Variants in HAL observed in about 807,000 individuals in gnomAD.
HAL encodes histidine ammonia-lyase.
In HAL, 85 loss-of-function variants were observed where a neutral mutation model predicts 81.1. That is an observed-to-expected ratio of 1.05 (90% CI 0.88 to 1.25). The LOEUF (loss-of-function observed/expected upper bound fraction) is 1.25, where lower values mean the gene tolerates loss of function less well. Ranked by LOEUF, HAL falls within the 50% of genes most tolerant of loss-of-function variation. The pLI is 0.00. For missense variants in HAL, 798 were observed against 836.6 expected (o/e 0.95, Z 0.57); for synonymous variants, 301 against 309.2 (o/e 0.97, Z 0.28).
In HAL at chr12:95,986,048, C is replaced by T. The variant is rs1949883087; in HGVS notation, c.1147+17G>A. On this transcript the variant is annotated intron_variant, in intron 13 of 20. Coordinates refer to ENST00000261208, the MANE Select transcript of HAL (RefSeq NM_002108.4). ...AACACGTAACCAAATAGGTCACTCC[C>T]ATAAACATGGTCAGACCTGCTATTT... The T allele has an allele frequency of 1.3e-6, 2 of 1,589,846 alleles. No individual in the cohort carries two copies. The highest frequency in any genetic ancestry group is 4.5e-5 in the East Asian group (2 of 44,762).
chr12:95,983,786 G>A (rs908087440), intron 15 of HAL, 125 bp downstream of exon 15: 1 of 707,298 alleles, frequency 1.4e-6, no homozygotes, highest in South Asian at 1.5e-5. Flanking sequence ...CTCAGGTACT[G>A]ATTCATTTAC....
At chr12:95,991,365 C>A (rs1257922847) in intron 9 of HAL, among the ~76,000 whole-genome samples, 1 of 152,044 alleles carries the variant, frequency 6.6e-6, no homozygotes, top group East Asian at 1.9e-4. Context: ...CCATTCACAG[C>A]TATTGGAAAA....
intron 18 of HAL, among the ~76,000 whole-genome samples, chr12:95,977,510 G>A (rs1258901041): frequency 1.3e-5 from 2 of 151,874 alleles, no homozygotes; most frequent in Non-Finnish European, 2.9e-5. Flanking sequence ...AGGTGTGGTG[G>A]TGCTTGCCTG....
intron 20 of HAL, among the ~76,000 whole-genome samples, chr12:95,974,731 G>GT (rs746511875): frequency 1.4e-4 from 21 of 151,974 alleles, no homozygotes; most frequent in Non-Finnish European, 2.1e-4. Flanking sequence ...TTTTTTTCTT[G>GT]TTTTTTTGTT....
Position 95,990,476 on chromosome 12 carries a change from C to T in HAL, c.772G>A (p.Ala258Thr). The T allele has an allele frequency of 6.2e-7, 1 of 1,611,202 alleles. No homozygotes were observed. The highest frequency in any genetic ancestry group is 8.5e-7 in the Non-Finnish European group (1 of 1,177,268). Residue 258 changes from alanine (A) to threonine (T), a missense_variant, in exon 10 of 21, where the codon GCC (alanine) becomes ACC (threonine). Physicochemically the swap from Ala to Thr is moderately conservative, Grantham distance 58. Coordinates refer to ENST00000261208, the MANE Select transcript of HAL (RefSeq NM_002108.4). ...KGTVGASGDL[A>T]PLSHLALGLV... ...CCAAGAGCAAGATGAGAGAGTGGGG[C>T]AAGGTCTCCACTGGCACCAACGGTT...
chr12:95,976,430 T>C lies in HAL; in HGVS notation c.1832A>G (p.Lys611Arg), dbSNP rs766045725. The part of the protein sequence containing the change: ...EAAHRLLLEQ[K>R]VWEVAAPYIE... ...AAACAAGCCAAGGAGCCAGCTTGCC[T>C]TCTGCTCCAGGAGCAGCCTGTGGGC... Residue 611 changes from lysine to arginine, a missense_variant and splice_region_variant, in exon 20 of 21, where the codon AAG (lysine) becomes AGG (arginine). Lys to Arg is a conservative substitution (Grantham distance 26). Coordinates refer to ENST00000261208, the MANE Select transcript of HAL (RefSeq NM_002108.4). 1 of 1,612,476 alleles carries C rather than the reference T, an allele frequency of 6.2e-7. No individual in the cohort carries two copies. Among genetic ancestry groups the C allele is most frequent in the Non-Finnish European group, 8.5e-7 (1 of 1,178,444 alleles).
chr12:95,995,794 C>A lies in HAL; in HGVS notation c.117G>T (p.Lys39Asn). Residue 39 changes from lysine (K) to asparagine (N), a missense_variant, in exon 2 of 21, where the codon AAG (lysine) becomes AAT (asparagine). Transcript: ENST00000261208. ...CGGAGGTGAAGCCACCATTGTCGGG[C>A]TTATTCTTGATATAGCGCCTCACGG... is the stretch of plus-strand genomic sequence containing the variant. ...REAVRRYIKN[K>N]PDNGGFTSVD... 1 of 1,613,490 alleles carries A rather than the reference C, an allele frequency of 6.2e-7. No individual in the cohort carries two copies. The highest frequency in any genetic ancestry group is 8.5e-7 in the Non-Finnish European group (1 of 1,180,028).
chr12:95,986,042 C>A, intron 13 of HAL, 23 bp downstream of exon 13: 1 of 1,573,902 alleles, frequency 6.4e-7, no homozygotes, highest in Non-Finnish European at 8.7e-7. Flanking sequence ...CCAAATAGGT[C>A]ACTCCCATAA....
chr12:95,974,043 C>A lies in HAL; in HGVS notation c.*189G>T. The A allele has an allele frequency of 1.5e-6, 1 of 666,406 alleles. No individual in the cohort carries two copies. The allele number at this position is 666,406 out of a possible 1,614,324, so 41.3% of individuals were successfully genotyped here. A position where few individuals can be genotyped will look rare whatever the true frequency, so the allele number is the denominator to read the frequency against. ...ATACCTGGTGGGTCTTGAACCACGA[C>A]AACAGGAACACAGTGCTGAATTTAG... On this transcript the variant is annotated 3_prime_UTR_variant, in exon 21 of 21. Coordinates refer to ENST00000261208, the MANE Select transcript of HAL (RefSeq NM_002108.4).
Position 95,994,106 on chromosome 12 carries a change from C to A in HAL, c.395G>T (p.Gly132Val), listed in dbSNP as rs1482574005. 4 of 1,613,226 alleles carry A rather than the reference C, an allele frequency of 2.5e-6. No individual in the cohort carries two copies. The highest frequency in any genetic ancestry group is 3.4e-6 in the Non-Finnish European group (4 of 1,179,330). Residue 132 changes from glycine (G) to valine (V), a missense_variant, in exon 5 of 21, where the codon GGA becomes GTA. By Grantham distance (109) the Gly-to-Val change is moderately radical. Transcript: ENST00000261208. ...TCCCCATACCTTTATTTTGTAGCGT[C>A]CCTTTCCCAAGTTGACCAGATCCTC... is the stretch of plus-strand genomic sequence containing the variant. ...TTEDLVNLGK[G>V]RYKIKLTPTA... is the part of the protein sequence containing the mutation.
intron 9 of HAL, among the ~76,000 whole-genome samples, chr12:95,991,515 A>G (rs994635164): frequency 3.3e-5 from 5 of 152,218 alleles, no homozygotes; most frequent in African/African-American, 1.2e-4. Flanking sequence ...TCTACACTCC[A>G]CTGCCCCTTA....
In HAL at chr12:95,990,886, T is replaced by G. The variant is rs149868817; in HGVS notation, c.716-354A>C. On this transcript the variant is annotated intron_variant, in intron 9 of 20. Coordinates refer to ENST00000261208, the MANE Select transcript of HAL (RefSeq NM_002108.4). Reference sequence around the variant, plus strand: ...GCACTTTGGGAGGCCGAGGCGGGCATATCACTTGAGCCCAGGAGTTCAAGA... The same window carrying G: ...GCACTTTGGGAGGCCGAGGCGGGCAGATCACTTGAGCCCAGGAGTTCAAGA... Among the ~76,000 whole-genome samples the G allele has an allele frequency of 8.2e-3, 1,247 of 152,182 alleles. 11 individuals are homozygous for G. Among genetic ancestry groups the G allele is most frequent in the Non-Finnish European group, 0.014 (934 of 68,000 alleles).
At chr12:95,978,175 A>G in intron 17 of HAL, 97 bp from the exon 18 acceptor site, 1 of 897,288 alleles carries the variant, frequency 1.1e-6, no homozygotes, top group Non-Finnish European at 1.8e-6. Flanking sequence ...CATGGGATAC[A>G]CTCTCCAGAA....
chr12:95,975,165 G>A (rs11108356), intron 20 of HAL, among the ~76,000 whole-genome samples: 38,482 of 152,132 alleles, frequency 0.25, 5,321 homozygotes, highest in East Asian at 0.43. Flanking sequence ...AGCGTGGCCT[G>A]TGCCCCTGCA....
chr12:95,990,417 C>T lies in HAL; in HGVS notation c.831G>A (p.Lys277=). 6.2e-7 allele frequency: 1 copy of T among 1,613,678 alleles called. No individual in the cohort carries two copies. Among genetic ancestry groups the T allele is most frequent in the South Asian group, 1.1e-5 (1 of 91,074 alleles). ...LVGEGKMWSP[K]SGWADAKYVL... Reference sequence around the variant, plus strand: ...CGTATTTAGCATCAGCCCAGCCACTCTTCGGAGACCACATCTTCCCTTCTC... The same window carrying T: ...CGTATTTAGCATCAGCCCAGCCACTTTTCGGAGACCACATCTTCCCTTCTC... The change falls in exon 10 of 21, where the codon AAG becomes AAA. Residue 277 remains lysine, a synonymous_variant. Coordinates refer to ENST00000261208, the MANE Select transcript of HAL (RefSeq NM_002108.4).
At position 95,983,927 on chromosome 12, in the gene HAL, C is replaced by T; in HGVS notation, c.1271G>A (p.Ser424Asn). 1 of 1,548,800 alleles carries T rather than the reference C, an allele frequency of 6.5e-7. No individual in the cohort carries two copies. Among genetic ancestry groups the T allele is most frequent in the Non-Finnish European group, 8.9e-7 (1 of 1,121,466 alleles). Residue 424 changes from serine to asparagine, a missense_variant, in exon 15 of 21, where the codon AGC becomes AAC. Physicochemically the swap from Ser to Asn is conservative, Grantham distance 46. Transcript: ENST00000261208. ...AAAAGATACAGGATTATCTGTTGCG[C>T]TGTTCAGTTCTGTGGTAATGATGTT... Reference protein sequence around the residue: ...VKNIITTELNSATDNPMVFAN... With the variant: ...VKNIITTELNNATDNPMVFAN...
intron 5 of HAL, 32 bp from the exon 6 acceptor site, chr12:95,994,030 T>TA (rs765310654): frequency 6.3e-6 from 10 of 1,598,960 alleles, no homozygotes; most frequent in Non-Finnish European, 8.6e-6. Context: ...CTGAGCACGT[T>TA]AAAGACTTCC....
In HAL at chr12:95,994,899, C is replaced by G. The variant is rs781455851; in HGVS notation, c.308+34G>C. 15 of 1,608,332 alleles carry G rather than the reference C, an allele frequency of 9.3e-6. No individual in the cohort carries two copies. The South Asian group carries it at 1.6e-4, about 18-fold the overall frequency. ...CCCCACCATCTGCAGGAGCCACCCCCAGAGCAGACCAAAGAGCCTGTGGGA... is the reference window on the plus strand; with the variant it reads ...CCCCACCATCTGCAGGAGCCACCCCGAGAGCAGACCAAAGAGCCTGTGGGA... On this transcript the variant is annotated intron_variant, in intron 3 of 20. Coordinates refer to ENST00000261208, the MANE Select transcript of HAL (RefSeq NM_002108.4).
intron 10 of HAL, 32 bp downstream of exon 10, chr12:95,990,361 T>C (rs57822148): frequency 0.12 from 191,139 of 1,594,548 alleles, 13,844 homozygotes; most frequent in East Asian, 0.34. Flanking sequence ...CCTGGGGCAA[T>C]TGCTGCAGAT....
Sources: allele counts gnomAD v4.1 joint callset (sites outside exome capture counted in the v4.1 genomes callset), GRCh38; gene constraint gnomAD v4.1.1; transcripts MANE v1.5; gene names NCBI Gene and HGNC (gene_info 2026-07-23, HGNC 2026-07-21).